GALNT13: variants seen among roughly 807,000 people sequenced by gnomAD.
GALNT13 encodes polypeptide N-acetylgalactosaminyltransferase 13.
In GALNT13, 28 loss-of-function variants were observed where a neutral mutation model predicts 64.2. That is an observed-to-expected ratio of 0.44 (90% CI 0.32 to 0.60). The LOEUF (loss-of-function observed/expected upper bound fraction) is 0.60. GALNT13 is among the 20% of genes least tolerant of loss of function. The pLI is 0.05. For synonymous variants in GALNT13, 214 were observed against 224.6 expected (o/e 0.95, Z 0.42); for missense variants, 577 against 669.8 (o/e 0.86, Z 1.53).
chr2:153,172,973 T>A, the GALNT13 span, among the ~76,000 whole-genome samples: 1 of 152,252 alleles, frequency 6.6e-6, no homozygotes, highest in Non-Finnish European at 1.5e-5. Flanking sequence ...CTTCATGTGC[T>A]TCGGATATCT....
the GALNT13 span, among the ~76,000 whole-genome samples, chr2:153,330,046 C>A: frequency 6.6e-6 from 1 of 152,174 alleles, no homozygotes; most frequent in East Asian, 1.9e-4. Context: ...CCTTTCCCCA[C>A]TGCTTACTTT....
At chr2:154,439,913 T>A (rs1701199397) in intron 12 of GALNT13, among the ~76,000 whole-genome samples, 1 of 152,156 alleles carries the variant, frequency 6.6e-6, no homozygotes, top group Non-Finnish European at 1.5e-5. Context: ...TGCTACTGCC[T>A]TCGCTATATC....
chr2:154,230,073 A>G (rs949627812), intron 4 of GALNT13, among the ~76,000 whole-genome samples: 1 of 152,070 alleles, frequency 6.6e-6, no homozygotes, highest in African/African-American at 2.4e-5. Flanking sequence ...GTCAACATCA[A>G]AGTTTCTGGC....
chr2:154,429,995 A>G (rs1700641219), intron 11 of GALNT13, among the ~76,000 whole-genome samples: 1 of 152,208 alleles, frequency 6.6e-6, no homozygotes, highest in South Asian at 2.1e-4. Flanking sequence ...GAGGAAAAAA[A>G]GATTCCTTTT....
At chr2:154,356,946 A>G (rs1035418432) in intron 9 of GALNT13, among the ~76,000 whole-genome samples, 2 of 152,052 alleles carry the variant, frequency 1.3e-5, no homozygotes, top group Non-Finnish European at 2.9e-5. Context: ...GTTGTCTTAT[A>G]TGATCTATAT....
chr2:153,384,038 C>A, the GALNT13 span, among the ~76,000 whole-genome samples: 5 of 152,018 alleles, frequency 3.3e-5, no homozygotes. Flanking sequence ...TTATGAAAGA[C>A]TTTAGATAGC....
chr2:153,311,617 C>T, the GALNT13 span, among the ~76,000 whole-genome samples: 1 of 152,310 alleles, frequency 6.6e-6, no homozygotes, highest in East Asian at 1.9e-4. Context: ...CCTCACGTGG[C>T]TGTTGGCTGG....
intron 9 of GALNT13, among the ~76,000 whole-genome samples, chr2:154,375,741 C>T (rs983863283): frequency 6.6e-6 from 1 of 152,112 alleles, no homozygotes; most frequent in Admixed American, 6.6e-5. Context: ...CTTTCTGATA[C>T]GCTCTTAGGA....
At chr2:154,106,873 T>C (rs1255538719) in intron 3 of GALNT13, among the ~76,000 whole-genome samples, 2 of 152,280 alleles carry the variant, frequency 1.3e-5, no homozygotes, top group Non-Finnish European at 2.9e-5. Flanking sequence ...TCAAACCTCA[T>C]GTTGAAATTT....
At chr2:154,220,847 T>G (rs950156483) in intron 4 of GALNT13, among the ~76,000 whole-genome samples, 9 of 152,072 alleles carry the variant, frequency 5.9e-5, no homozygotes, top group South Asian at 2.1e-4. Flanking sequence ...TTGTAAAGTT[T>G]AAATAAGACA....
the GALNT13 span, among the ~76,000 whole-genome samples, chr2:153,705,144 C>A: frequency 6.6e-6 from 1 of 152,042 alleles, no homozygotes; most frequent in Non-Finnish European, 1.5e-5. Context: ...GTACCATATA[C>A]ATAATGCAGA....
the GALNT13 span, among the ~76,000 whole-genome samples, chr2:153,708,348 G>A: frequency 6.6e-6 from 1 of 152,096 alleles, no homozygotes; most frequent in Non-Finnish European, 1.5e-5. Flanking sequence ...GTGTGTATGT[G>A]AGAGGGTGAG....
chr2:153,686,484 T>G, the GALNT13 span, among the ~76,000 whole-genome samples: 4 of 152,054 alleles, frequency 2.6e-5, no homozygotes, highest in East Asian at 7.7e-4. Flanking sequence ...TTTTGCACAT[T>G]GATTTTGTAT....
rs952375591 is a variant in GALNT13 at position 154,102,001 on chromosome 2, A to G, written c.143-38336A>G. On this transcript the variant is annotated intron_variant, in intron 3 of 12. Coordinates refer to ENST00000392825, the MANE Select transcript of GALNT13 (RefSeq NM_052917.4). The stretch of plus-strand genomic sequence containing the variant: ...TCTCATTTTAGTTCACCCTGCTTCA[A>G]TAAGGTACTTGATATGATTTTGATT... 3.3e-5 allele frequency among the ~76,000 whole-genome samples: 5 copies of G among 152,250 alleles called. No homozygotes were observed. The East Asian group carries it at 7.7e-4, about 24-fold the overall frequency.
intron 4 of GALNT13, among the ~76,000 whole-genome samples, chr2:154,141,599 C>G (rs1347771250): frequency 6.6e-6 from 1 of 152,136 alleles, no homozygotes; most frequent in African/African-American, 2.4e-5. Context: ...TTATGAGACT[C>G]TCATCATATA....
chr2:154,440,480 T>A, intron 12 of GALNT13, among the ~76,000 whole-genome samples: 1 of 152,040 alleles, frequency 6.6e-6, no homozygotes, highest in East Asian at 1.9e-4. Context: ...TAGCTTCACA[T>A]AGGTAGATAA....
At chr2:154,173,420 C>A (rs1685476575) in intron 4 of GALNT13, among the ~76,000 whole-genome samples, 1 of 151,474 alleles carries the variant, frequency 6.6e-6, no homozygotes, top group Admixed American at 6.6e-5. Flanking sequence ...AGACTTAAAT[C>A]TAAGACCTGA....
the GALNT13 span, among the ~76,000 whole-genome samples, chr2:153,087,996 T>C: frequency 8.5e-5 from 13 of 152,246 alleles, no homozygotes; most frequent in African/African-American, 3.1e-4. Flanking sequence ...TATTTCTTTT[T>C]TTTTCTGCTG....
chr2:153,414,124 C>G, the GALNT13 span, among the ~76,000 whole-genome samples: 1 of 151,904 alleles, frequency 6.6e-6, no homozygotes, highest in African/African-American at 2.4e-5. Flanking sequence ...ACTTATAATC[C>G]CAGCACTTTG....
Sources: allele counts gnomAD v4.1 joint callset (sites outside exome capture counted in the v4.1 genomes callset), GRCh38; gene constraint gnomAD v4.1.1; transcripts MANE v1.5; gene names NCBI Gene and HGNC (gene_info 2026-07-23, HGNC 2026-07-21).